PALLD: variants seen among roughly 807,000 people sequenced by gnomAD.
PALLD encodes palladin, cytoskeletal associated protein, also known as palladin.
PALLD carries 61 observed loss-of-function variants against 123.5 expected under a neutral mutation model. The ratio of observed to expected loss-of-function variants is 0.49; its 90% CI spans 0.40 to 0.61. The LOEUF is 0.61. Among genes scored for constraint, PALLD ranks in the 20% least tolerant of loss-of-function variants. The pLI, the probability that PALLD is intolerant of heterozygous loss-of-function variation, is 0.00. For synonymous variants in PALLD, 465 were observed against 496.4 expected, an observed-to-expected ratio of 0.94 and a Z score of 0.84; for missense variants, 1,273 against 1,377.0, an observed-to-expected ratio of 0.92 and a Z score of 1.20.
intron 10 of PALLD, among the ~76,000 whole-genome samples, chr4:168,719,254 T>TC: frequency 7.6e-6 from 1 of 131,676 alleles, no homozygotes; most frequent in Non-Finnish European, 1.6e-5. Context: ...GTAATCTTCT[T>TC]TTTTTTTTTT....
At chr4:168,802,912 G>A (rs11931810) in intron 10 of PALLD, among the ~76,000 whole-genome samples, 7,918 of 152,066 alleles carry the variant, frequency 0.052, 708 homozygotes, top group African/African-American at 0.18. Context: ...GGCTGGTCTC[G>A]AACCCCCGAC....
At chr4:168,635,944 G>T (rs1269665383) in intron 2 of PALLD, among the ~76,000 whole-genome samples, 1 of 152,210 alleles carries the variant, frequency 6.6e-6, no homozygotes, top group Non-Finnish European at 1.5e-5. Context: ...TGGAATTGAG[G>T]ATCCTGGTTT....
In PALLD at chr4:168,832,792, G is replaced by C. The variant is rs1744478086; in HGVS notation, c.1965-58130G>C. Reference sequence around the variant, plus strand: ...AACTCGGGGCGTCCTTTCCCCGGCCGGGTGCTGTGCCCGGCCCGCAGTCGG... The same window carrying C: ...AACTCGGGGCGTCCTTTCCCCGGCCCGGTGCTGTGCCCGGCCCGCAGTCGG... On this transcript the variant is annotated intron_variant, in intron 10 of 21. Coordinates refer to ENST00000505667, the MANE Select transcript of PALLD (RefSeq NM_001166108.2). 3 of 152,234 alleles carry C rather than the reference G, an allele frequency of 2.0e-5. No homozygotes were observed. In the South Asian group the frequency reaches 6.2e-4, roughly 32 times the overall value. 9.4% of individuals were successfully genotyped at this position (152,234 alleles called of 1,614,324 possible). A position where few individuals can be genotyped will look rare whatever the true frequency, so the allele number is the denominator to read the frequency against.
intron 2 of PALLD, among the ~76,000 whole-genome samples, chr4:168,524,096 A>C (rs186746171): frequency 1.3e-3 from 196 of 152,348 alleles, no homozygotes; most frequent in African/African-American, 4.4e-3. Context: ...TCTATTTTAC[A>C]ACACTTTAAC....
chr4:168,526,738 C>T (rs935791374), intron 2 of PALLD, among the ~76,000 whole-genome samples: 2 of 152,098 alleles, frequency 1.3e-5, no homozygotes, highest in African/African-American at 4.8e-5. Context: ...CTCACAGCCT[C>T]ACCTGTATGG....
intron 2 of PALLD, among the ~76,000 whole-genome samples, chr4:168,563,222 A>G (rs1768037866): frequency 6.6e-6 from 1 of 152,084 alleles, no homozygotes; most frequent in African/African-American, 2.4e-5. Flanking sequence ...AGTTGGAGAT[A>G]CCTATTAGGC....
rs569507163 is a variant in PALLD at position 168,572,454 on chromosome 4, T to C, written c.908+60042T>C. Reference sequence around the variant, plus strand: ...CCAAGGGCCAAGATTCTAACTGCTTTTTCACAGCGGTAGAAAAATATTAAG... The same window carrying C: ...CCAAGGGCCAAGATTCTAACTGCTTCTTCACAGCGGTAGAAAAATATTAAG... On this transcript the variant is annotated intron_variant, in intron 2 of 21. Transcript: ENST00000505667. 5.3e-5 allele frequency among the ~76,000 whole-genome samples: 8 copies of C among 152,226 alleles called. No individual in the cohort carries two copies. The South Asian group carries it at 1.7e-3, about 32-fold the overall frequency.
intron 10 of PALLD, among the ~76,000 whole-genome samples, chr4:168,835,645 G>T (rs1581698572): frequency 7.6e-6 from 1 of 131,796 alleles, no homozygotes; most frequent in Admixed American, 7.4e-5. Context: ...TTTAAGAGAG[G>T]ATAAAGAATT....
intron 2 of PALLD, among the ~76,000 whole-genome samples, chr4:168,632,087 G>A (rs1410668084): frequency 3.3e-5 from 5 of 151,554 alleles, no homozygotes; most frequent in East Asian, 3.9e-4. Flanking sequence ...GGGGGTTGGC[G>A]GGGGCGGGTC....
chr4:168,713,931 G>GT (rs1248284134), intron 10 of PALLD, among the ~76,000 whole-genome samples: 1 of 121,820 alleles, frequency 8.2e-6, no homozygotes, highest in Non-Finnish European at 1.7e-5. Flanking sequence ...CTTGTACTAG[G>GT]TTTTCCCATT....
chr4:168,536,987 C>G (rs1034893649), intron 2 of PALLD, among the ~76,000 whole-genome samples: 5 of 152,086 alleles, frequency 3.3e-5, no homozygotes, highest in African/African-American at 1.2e-4. Context: ...GCCACCACGC[C>G]CGGCTAATTT....
intron 10 of PALLD, among the ~76,000 whole-genome samples, chr4:168,849,960 C>T (rs1011303565): frequency 2.6e-5 from 4 of 152,238 alleles, no homozygotes; most frequent in African/African-American, 7.2e-5. Flanking sequence ...CTTACGAATG[C>T]ATTTGCTCAT....
chr4:168,690,770 A>G (rs754238267), intron 7 of PALLD, 26 bp downstream of exon 7: 1 of 1,612,538 alleles, frequency 6.2e-7, no homozygotes, highest in Non-Finnish European at 8.5e-7. Context: ...CATGTCCCCA[A>G]ATCTGACCAT....
rs1259061725 is a variant in PALLD at position 168,878,295 on chromosome 4, A to C, written c.1965-12627A>C. On this transcript the variant is annotated intron_variant, in intron 10 of 21. Transcript: ENST00000505667. The stretch of plus-strand genomic sequence containing the variant: ...TCGTCGCCTGCCACCCGCTTCGGCC[A>C]CAGCCAGACGCCCGCGGCCTTCCTC... The C allele has an allele frequency of 1.0e-5, 16 of 1,527,302 alleles. No homozygotes were observed. Among genetic ancestry groups the C allele is most frequent in the Non-Finnish European group, 1.4e-5 (16 of 1,143,956 alleles). The allele number at this position is 1,527,302 out of a possible 1,614,324, so 94.6% of individuals were successfully genotyped here.
At chr4:168,717,763 C>T (rs551991624) in intron 10 of PALLD, among the ~76,000 whole-genome samples, 1 of 152,238 alleles carries the variant, frequency 6.6e-6, no homozygotes, top group Non-Finnish European at 1.5e-5. Flanking sequence ...TCTTGTAAAC[C>T]AAATGAGTAT....
chr4:168,741,683 CAAAAACA>C (rs1041444090), intron 10 of PALLD, among the ~76,000 whole-genome samples: 1 of 151,420 alleles, frequency 6.6e-6, no homozygotes, highest in African/African-American at 2.4e-5. Flanking sequence ...AATCCTATCT[CAAAAACA>C]AAAAACAAAC....
At chr4:168,535,972 A>C (rs1162187401) in intron 2 of PALLD, among the ~76,000 whole-genome samples, 4 of 152,234 alleles carry the variant, frequency 2.6e-5, no homozygotes, top group Non-Finnish European at 4.4e-5. Flanking sequence ...AAGAACTCTC[A>C]GTACCTTGGT....
chr4:168,714,509 A>C (rs529903226), intron 10 of PALLD, among the ~76,000 whole-genome samples: 9 of 152,230 alleles, frequency 5.9e-5, no homozygotes, highest in Non-Finnish European at 1.2e-4. Flanking sequence ...ATAATGAATG[A>C]CTATAGGTAA....
intron 2 of PALLD, among the ~76,000 whole-genome samples, chr4:168,624,354 CA>C (rs1775040838): frequency 6.6e-6 from 1 of 151,958 alleles, no homozygotes; most frequent in East Asian, 1.9e-4. Flanking sequence ...CCAAAGATAC[CA>C]AAAAGAGCAT....
Sources: allele counts gnomAD v4.1 joint callset (sites outside exome capture counted in the v4.1 genomes callset), GRCh38; gene constraint gnomAD v4.1.1; transcripts MANE v1.5; gene names NCBI Gene and HGNC (gene_info 2026-07-23, HGNC 2026-07-21).